Variants in TMEM132C observed in about 807,000 individuals in gnomAD.
TMEM132C encodes the protein transmembrane protein 132C, also known as protein phosphatase 1, regulatory subunit 152.
TMEM132C carries 29 observed loss-of-function variants against 61.4 expected under a neutral mutation model. The observed-to-expected ratio is 0.47, with a 90% CI of 0.35 to 0.64. The LOEUF is 0.64. Ranked by LOEUF, TMEM132C falls within the 30% of genes least tolerant of loss-of-function variation. The probability of loss-of-function intolerance (pLI) is 0.00; values close to 1 mark genes in which losing one functional copy is unlikely to be tolerated. For missense variants in TMEM132C, 1,408 were observed against 1,476.9 expected, an observed-to-expected ratio of 0.95 and a Z score of 0.76; for synonymous variants, 656 against 633.1, an observed-to-expected ratio of 1.04 and a Z score of -0.54.
chr12:128,312,508 A>C (rs1872006335), intron 1 of TMEM132C, among the ~76,000 whole-genome samples: 1 of 152,050 alleles, frequency 6.6e-6, no homozygotes. Flanking sequence ...GTTTCACCAT[A>C]TTGCCCAGGC....
rs1386300427 is a variant in TMEM132C at position 128,630,501 on chromosome 12, C to G, written c.1305+14166C>G. On this transcript the variant is annotated intron_variant, in intron 4 of 8. Transcript: ENST00000435159. This position sits in a 1 kb window ranked among gnomAD's most constrained non-coding sequence, Gnocchi z 4.3. The stretch of plus-strand genomic sequence containing the variant: ...CCTCCTCACTAGGCCCCCTGACTAA[C>G]CTGCCTAAAAGAGCAACCTGGAACC... Among the ~76,000 whole-genome samples, 1 of 152,208 alleles carries G rather than the reference C, an allele frequency of 6.6e-6. No homozygotes were observed. Among genetic ancestry groups the G allele is most frequent in the Non-Finnish European group, 1.5e-5 (1 of 68,036 alleles).
At chr12:128,315,369 G>T (rs1872118179) in intron 1 of TMEM132C, among the ~76,000 whole-genome samples, 1 of 152,118 alleles carries the variant, frequency 6.6e-6, no homozygotes, top group Non-Finnish European at 1.5e-5. Flanking sequence ...GAAACCAAGT[G>T]TCAGGGCCAC....
intron 2 of TMEM132C, among the ~76,000 whole-genome samples, chr12:128,452,524 A>G (rs1208579184): frequency 6.6e-6 from 1 of 151,208 alleles, no homozygotes; most frequent in Non-Finnish European, 1.5e-5. Flanking sequence ...GTCTACTAAA[A>G]ATACAAAAAT....
At chr12:128,655,946 A>T (rs1394781595) in intron 4 of TMEM132C, among the ~76,000 whole-genome samples, 1 of 152,238 alleles carries the variant, frequency 6.6e-6, no homozygotes, top group African/African-American at 2.4e-5. Flanking sequence ...TGAAACATAA[A>T]ATAAGTTTAT....
At chr12:128,549,790 C>T (rs924350427) in intron 3 of TMEM132C, among the ~76,000 whole-genome samples, 2 of 152,106 alleles carry the variant, frequency 1.3e-5, no homozygotes, top group Admixed American at 1.3e-4. Flanking sequence ...ATATAATCCT[C>T]CTAAGCATCT....
intron 4 of TMEM132C, among the ~76,000 whole-genome samples, chr12:128,649,896 A>C (rs112309095): frequency 0.021 from 3,249 of 152,276 alleles, 121 homozygotes; most frequent in African/African-American, 0.074. Context: ...TTGACAGATA[A>C]GTAAAGTTTG....
intron 2 of TMEM132C, among the ~76,000 whole-genome samples, chr12:128,536,347 C>A (rs1026362316): frequency 6.6e-6 from 1 of 151,942 alleles, no homozygotes; most frequent in African/African-American, 2.4e-5. Context: ...ACAATGAGAA[C>A]ACTTGGTCAC....
At chr12:128,352,769 T>C (rs1462028650) in intron 1 of TMEM132C, among the ~76,000 whole-genome samples, 1 of 152,218 alleles carries the variant, frequency 6.6e-6, no homozygotes, top group Non-Finnish European at 1.5e-5. Context: ...TACTTTGCTT[T>C]GATTGTTCAA....
intron 1 of TMEM132C, among the ~76,000 whole-genome samples, chr12:128,341,857 T>C (rs1371937323): frequency 6.9e-6 from 1 of 144,170 alleles, no homozygotes; most frequent in Non-Finnish European, 1.5e-5. Context: ...ATATCTTAAC[T>C]ACTCGATAAA....
intron 3 of TMEM132C, among the ~76,000 whole-genome samples, chr12:128,571,249 C>G (rs1874870955): frequency 6.6e-6 from 1 of 152,190 alleles, no homozygotes; most frequent in Non-Finnish European, 1.5e-5. Context: ...TGCCTTCTAC[C>G]CTTTTTTATT....
chr12:128,539,597 G>A (rs920204468), intron 2 of TMEM132C, among the ~76,000 whole-genome samples: 1 of 152,162 alleles, frequency 6.6e-6, no homozygotes, highest in Admixed American at 6.5e-5. Context: ...CAGCCTGGGT[G>A]ACAGAGCAAG....
chr12:128,292,116 C>T (rs555364598), intron 1 of TMEM132C, among the ~76,000 whole-genome samples: 1 of 152,340 alleles, frequency 6.6e-6, no homozygotes, highest in East Asian at 1.9e-4. Flanking sequence ...TAATCAATTC[C>T]TATGTTTAAG....
At chr12:128,605,014 AATAG>A (rs200484391) in intron 3 of TMEM132C, among the ~76,000 whole-genome samples, 1,725 of 149,798 alleles carry the variant, frequency 0.012, 26 homozygotes, top group African/African-American at 0.04. Context: ...ACACATAGAT[AATAG>A]ATGAATGGAT....
At chr12:128,648,559 T>C (rs1954234678) in intron 4 of TMEM132C, among the ~76,000 whole-genome samples, 1 of 147,238 alleles carries the variant, frequency 6.8e-6, no homozygotes, top group African/African-American at 2.5e-5. Flanking sequence ...ATTGGATGAG[T>C]GTGTTTACTG....
chr12:128,637,822 A>G (rs139000238), intron 4 of TMEM132C, among the ~76,000 whole-genome samples: 13 of 152,336 alleles, frequency 8.5e-5, no homozygotes, highest in African/African-American at 3.1e-4. Context: ...AGCTCCCAGA[A>G]CAGAACTTTG....
intron 2 of TMEM132C, among the ~76,000 whole-genome samples, chr12:128,474,735 T>G (rs143567682): frequency 1.6e-4 from 24 of 152,310 alleles, no homozygotes; most frequent in African/African-American, 5.1e-4. Context: ...ATTTTTGTTA[T>G]GAATTCTGGA....
chr12:128,509,319 A>G (rs1219046449), intron 2 of TMEM132C, among the ~76,000 whole-genome samples: 1 of 152,040 alleles, frequency 6.6e-6, no homozygotes, highest in Non-Finnish European at 1.5e-5. Flanking sequence ...GGAAGGAGGA[A>G]AGGAAAGAAA....
chr12:128,425,076 C>T (rs1869132836), intron 2 of TMEM132C, among the ~76,000 whole-genome samples: 2 of 152,316 alleles, frequency 1.3e-5, no homozygotes, highest in South Asian at 4.1e-4. Context: ...GTGAGGGAAG[C>T]TCCCAGGGGA....
At chr12:128,482,027 G>C (rs1267142348) in intron 2 of TMEM132C, among the ~76,000 whole-genome samples, 1 of 152,116 alleles carries the variant, frequency 6.6e-6, no homozygotes, top group African/African-American at 2.4e-5. Flanking sequence ...ATTGGCTGTT[G>C]GTCTGTCATA....
Sources: gnomAD v4.1 joint callset for allele counts (sites outside exome capture counted in the v4.1 genomes callset) on GRCh38, gnomAD v4.1.1 for gene constraint, Gnocchi (gnomAD v3.1) non-coding constraint, MANE v1.5 for transcripts, NCBI Gene and HGNC (gene_info 2026-07-23, HGNC 2026-07-21) for gene names.